Variants in MTF1 observed in about 807,000 individuals in gnomAD.
MTF1 encodes MRE-binding transcription factor.
A neutral mutation model predicts 70.4 loss-of-function variants in MTF1; 22 were observed. The observed-to-expected ratio is 0.31, with a 90% CI of 0.22 to 0.45. The LOEUF (loss-of-function observed/expected upper bound fraction) is 0.45. Ranked by LOEUF, MTF1 falls within the 20% of genes least tolerant of loss-of-function variation. The probability of loss-of-function intolerance (pLI) is 1.00; values close to 1 mark genes in which losing one functional copy is unlikely to be tolerated. For synonymous variants in MTF1, 333 were observed against 352.8 expected, an observed-to-expected ratio of 0.94 and a Z score of 0.63; for missense variants, 649 against 922.0, an observed-to-expected ratio of 0.70 and a Z score of 3.83.
chr1:37,826,710 G>A (rs1268666219), intron 7 of MTF1: 2 of 397,794 alleles, frequency 5.0e-6, no homozygotes, highest in Non-Finnish European at 9.9e-6. Context: ...CAGGCGCAGT[G>A]GCTCACACCT....
intron 1 of MTF1, among the ~76,000 whole-genome samples, chr1:37,857,994 T>C (rs1277688008): frequency 1.5e-5 from 2 of 134,560 alleles, no homozygotes; most frequent in African/African-American, 5.5e-5. Flanking sequence ...CTGGTCAACA[T>C]AGTGAGACCC....
At chr1:37,841,612 G>T in intron 2 of MTF1, 2 of 176,864 alleles carry the variant, frequency 1.1e-5, no homozygotes, top group South Asian at 2.6e-4. Flanking sequence ...GGAATTCACT[G>T]ACCACCTCAT....
At chr1:37,819,505 T>G (rs1640877786) in intron 9 of MTF1, among the ~76,000 whole-genome samples, 1 of 152,154 alleles carries the variant, frequency 6.6e-6, no homozygotes, top group South Asian at 2.1e-4. Flanking sequence ...TACTTCCTAT[T>G]ACATGGGCTA....
chr1:37,840,578 T>G lies in MTF1; in HGVS notation c.409-420A>C. ...AATATTAAATTGAGTTTAAAACATC[T>G]GGAAATTTACATACTTAATCATCAA... is the stretch of plus-strand genomic sequence containing the variant. On this transcript the variant is annotated intron_variant, in intron 2 of 10. Coordinates refer to ENST00000373036, the MANE Select transcript of MTF1 (RefSeq NM_005955.3). The surrounding 1 kb of genome is among the most constrained non-coding windows in gnomAD (Gnocchi z 4.5). The G allele has an allele frequency of 2.3e-6, 1 of 442,312 alleles. No individual in the cohort carries two copies. Among genetic ancestry groups the G allele is most frequent in the South Asian group, 1.6e-5 (1 of 61,076 alleles). The allele number at this position is 442,312 out of a possible 1,614,324, so 27.4% of individuals were successfully genotyped here.
rs568744414 is a variant in MTF1 at position 37,836,942 on chromosome 1, G to A, written c.780-1198C>T. Among the ~76,000 whole-genome samples, 160 of 135,518 alleles carry A rather than the reference G, an allele frequency of 1.2e-3. 3 individuals are homozygous for A. In the East Asian group the frequency reaches 0.031, roughly 26 times the overall value. 88.9% of individuals were successfully genotyped at this position (135,518 alleles called of 152,430 possible). On this transcript the variant is annotated intron_variant, in intron 4 of 10. Transcript: ENST00000373036. ...GTCCTCTCAGCAGCCTACGGGAAGG[G>A]GGGCGGCGGGGAATAACCTAAGCTT...
rs1304604514 is a variant in MTF1, at chr1:37,814,773, G to A, written c.*363C>T. 4.5e-6 allele frequency: 1 copy of A among 222,324 alleles called. No individual in the cohort carries two copies. The highest frequency in any genetic ancestry group is 9.1e-6 in the Non-Finnish European group (1 of 110,018). The allele number at this position is 222,324 out of a possible 1,614,324, so 13.8% of individuals were successfully genotyped here. On this transcript the variant is annotated 3_prime_UTR_variant, in exon 11 of 11. Coordinates refer to ENST00000373036, the MANE Select transcript of MTF1 (RefSeq NM_005955.3). ...CTGCCCGATCCACAAAGACCCCAGT[G>A]CAAGCGATGGGCAGCATCAGATTGA... is the stretch of plus-strand genomic sequence containing the variant.
chr1:37,835,832 G>A lies in MTF1; in HGVS notation c.780-88C>T, dbSNP rs1399665612. 1.2e-4 allele frequency: 133 copies of A among 1,129,852 alleles called. 2 individuals carry two copies. In the South Asian group the frequency reaches 1.5e-3, roughly 13 times the overall value. 70.0% of individuals were successfully genotyped at this position (1,129,852 alleles called of 1,614,324 possible). ...TTTTTTTTTTTTGAGATCGAGTCTC[G>A]CTCTGTCCCCAAGGCTGGAGTGCAG... On this transcript the variant is annotated intron_variant, in intron 4 of 10. Transcript: ENST00000373036.
At chr1:37,829,557 C>G (rs751843778) in intron 7 of MTF1, among the ~76,000 whole-genome samples, 1 of 151,804 alleles carries the variant, frequency 6.6e-6, no homozygotes, top group Admixed American at 6.6e-5. Flanking sequence ...CCGAGACGGG[C>G]GGATCACGAG....
chr1:37,853,572 T>C (rs1486912737), intron 2 of MTF1, among the ~76,000 whole-genome samples: 1 of 152,234 alleles, frequency 6.6e-6, no homozygotes, highest in African/African-American at 2.4e-5. Context: ...GCTGACTCTG[T>C]TGTAACAGGA....
intron 4 of MTF1, 96 bp from the exon 5 acceptor site, chr1:37,835,840 C>T (rs899156694): frequency 2.8e-6 from 3 of 1,064,192 alleles, no homozygotes; most frequent in Non-Finnish European, 4.2e-6. Flanking sequence ...TCGCTCTGTC[C>T]CCAAGGCTGG....
At position 37,859,513 on chromosome 1, in the gene MTF1, T is replaced by C; in HGVS notation, c.-52+18A>G. On this transcript the variant is annotated intron_variant, in intron 1 of 10. Coordinates refer to ENST00000373036, the MANE Select transcript of MTF1 (RefSeq NM_005955.3). ...CGGTAAGTCCCAAGCCCAGGCCGAG[T>C]CTAGTTTCGCCTTTTACCTCCGCGG... 2.5e-6 allele frequency: 1 copy of C among 398,780 alleles called. No individual in the cohort carries two copies. 24.7% of individuals were successfully genotyped at this position (398,780 alleles called of 1,614,324 possible).
chr1:37,857,078 C>A (rs1433992526), intron 2 of MTF1, among the ~76,000 whole-genome samples, 173 bp downstream of exon 2: 4 of 152,132 alleles, frequency 2.6e-5, no homozygotes, highest in Non-Finnish European at 5.9e-5. Flanking sequence ...GCTATACAAA[C>A]CAAAAGTTCC....
chr1:37,840,842 A>C lies in MTF1; in HGVS notation c.409-684T>G, dbSNP rs1176562511. ...ATCAAATGGCAGATGACTCTAGTGC[A>C]GTGGAGGGCCTGGAATGGGAGGCCC... On this transcript the variant is annotated intron_variant, in intron 2 of 10. Transcript: ENST00000373036. This position sits in a 1 kb window ranked among gnomAD's most constrained non-coding sequence, Gnocchi z 4.5. 3.8e-6 allele frequency: 1 copy of C among 260,242 alleles called. No individual in the cohort carries two copies. The highest frequency in any genetic ancestry group is 7.5e-6 in the Non-Finnish European group (1 of 133,874). 16.1% of individuals were successfully genotyped at this position (260,242 alleles called of 1,614,324 possible).
Position 37,835,925 on chromosome 1 carries a change from C to T in MTF1, c.780-181G>A, listed in dbSNP as rs554616198. On this transcript the variant is annotated intron_variant, in intron 4 of 10. Transcript: ENST00000373036. Reference sequence around the variant, plus strand: ...ATGCCATTCTCCTGCCTCAGCCTCCCGAGTAGCTGGGACTACAGGTGCCCA... The same window carrying T: ...ATGCCATTCTCCTGCCTCAGCCTCCTGAGTAGCTGGGACTACAGGTGCCCA... Among the ~76,000 whole-genome samples the T allele has an allele frequency of 9.6e-3, 1,458 of 152,018 alleles. 15 individuals carry two copies. Among genetic ancestry groups the T allele is most frequent in the Non-Finnish European group, 0.017 (1,124 of 67,940 alleles).
chr1:37,832,869 G>A (rs368911772), intron 6 of MTF1, among the ~76,000 whole-genome samples: 37 of 152,104 alleles, frequency 2.4e-4, no homozygotes, highest in Non-Finnish European at 4.6e-4. Flanking sequence ...AGCTAGGCGC[G>A]GTGGTGTGTG....
intron 10 of MTF1, among the ~76,000 whole-genome samples, chr1:37,817,046 ATG>A (rs1338651148): frequency 6.6e-6 from 1 of 152,198 alleles, no homozygotes; most frequent in Non-Finnish European, 1.5e-5. Flanking sequence ...TCAGCTCTAT[ATG>A]TGTCTCTGAC....
chr1:37,835,656 T>C lies in MTF1; in HGVS notation c.853+15A>G. 1 of 1,611,630 alleles carries C rather than the reference T, an allele frequency of 6.2e-7. No homozygotes were observed. The highest frequency in any genetic ancestry group is 1.1e-5 in the South Asian group (1 of 91,026). The stretch of plus-strand genomic sequence containing the variant: ...AGTTACAGGCTTGATGAAACAAAAA[T>C]TGGCCTAAACTCACCAGTATGTGTA... On this transcript the variant is annotated intron_variant, in intron 5 of 10. Transcript: ENST00000373036.
At position 37,832,422 on chromosome 1, in the gene MTF1, CAT is replaced by C. The variant is rs200947832; in HGVS notation, c.991-102_991-101del. On this transcript the variant is annotated intron_variant, in intron 6 of 10. Coordinates refer to ENST00000373036, the MANE Select transcript of MTF1 (RefSeq NM_005955.3). Reference sequence around the variant, plus strand: ...TGATTACAAAGTCCCTAATGTTCCACATGTCTACATGTATTATCTGAAGAAGT... The same window carrying C: ...TGATTACAAAGTCCCTAATGTTCCACGTCTACATGTATTATCTGAAGAAGT... The C allele has an allele frequency of 5.4e-3, 3,878 of 716,840 alleles. 20 individuals are homozygous for C. The highest frequency in any genetic ancestry group is 6.8e-3 in the South Asian group (410 of 60,274). The allele number at this position is 716,840 out of a possible 1,614,324, so 44.4% of individuals were successfully genotyped here.
chr1:37,837,844 C>G (rs138416462), intron 4 of MTF1, among the ~76,000 whole-genome samples: 1,750 of 152,260 alleles, frequency 0.011, 36 homozygotes, highest in African/African-American at 0.04. Flanking sequence ...GGCAATACAT[C>G]TATCTATATT....
Sources: allele counts gnomAD v4.1 joint callset (sites outside exome capture counted in the v4.1 genomes callset), GRCh38; gene constraint gnomAD v4.1.1; non-coding constraint Gnocchi (gnomAD v3.1); transcripts MANE v1.5; gene names NCBI Gene and HGNC (gene_info 2026-07-23, HGNC 2026-07-21).